MAN2A1: variants seen among roughly 807,000 people sequenced by gnomAD.
MAN2A1 encodes the protein alpha-mannosidase 2.
In MAN2A1, 76 loss-of-function variants were observed where a neutral mutation model predicts 142.6. The observed-to-expected ratio is 0.53, with a 90% CI of 0.44 to 0.65. The LOEUF (loss-of-function observed/expected upper bound fraction) is 0.65, where lower values mean the gene tolerates loss of function less well. MAN2A1 is among the 30% of genes least tolerant of loss of function. The pLI is 0.00. For missense variants in MAN2A1, 1,311 were observed against 1,365.1 expected, an observed-to-expected ratio of 0.96 and a Z score of 0.62; for synonymous variants, 559 against 473.2, an observed-to-expected ratio of 1.18 and a Z score of -2.35.
intron 4 of MAN2A1, among the ~76,000 whole-genome samples, chr5:109,745,853 G>A (rs997892816): frequency 6.6e-6 from 1 of 152,176 alleles, no homozygotes; most frequent in Admixed American, 6.5e-5. Context: ...CTGGCCTGAG[G>A]TGATCCTCCT....
intron 2 of MAN2A1, among the ~76,000 whole-genome samples, chr5:109,714,549 A>T (rs911418336): frequency 1.3e-5 from 2 of 152,216 alleles, no homozygotes; most frequent in African/African-American, 4.8e-5. Context: ...ATTGGAAAGG[A>T]CTTCTGCCTT....
intron 4 of MAN2A1, among the ~76,000 whole-genome samples, chr5:109,733,292 A>G (rs1285066240): frequency 4.6e-5 from 7 of 152,188 alleles, no homozygotes; most frequent in African/African-American, 7.2e-5. Context: ...TAGATATACA[A>G]TCATGTCGTC....
intron 16 of MAN2A1, among the ~76,000 whole-genome samples, chr5:109,833,491 A>G: frequency 6.6e-6 from 1 of 152,078 alleles, no homozygotes; most frequent in East Asian, 1.9e-4. Flanking sequence ...AACACGGCAA[A>G]ACCCCGTCTC....
chr5:109,801,453 G>GT lies in MAN2A1; in HGVS notation c.1943+11934dup, dbSNP rs1226115039. On this transcript the variant is annotated intron_variant, in intron 12 of 21. Coordinates refer to ENST00000261483, the MANE Select transcript of MAN2A1 (RefSeq NM_002372.4). ...GTCTGCATCTAGCATGGGGAAGCAG[G>GT]TTTTTTTTGTTGTTCATTTTGATTT... Among the ~76,000 whole-genome samples, 7 of 152,084 alleles carry GT rather than the reference G, an allele frequency of 4.6e-5. No individual in the cohort carries two copies. In the South Asian group the frequency reaches 8.3e-4, roughly 18 times the overall value.
At chr5:109,842,823 T>TTTTTTTTTTTTTTTG (rs1755245159) in intron 17 of MAN2A1, among the ~76,000 whole-genome samples, 1 of 149,032 alleles carries the variant, frequency 6.7e-6, no homozygotes, top group Admixed American at 6.7e-5. Context: ...TTTTTTTTTT[T>TTTTTTTTTTTTTTTG]GAGAAAGAGT....
intron 3 of MAN2A1, among the ~76,000 whole-genome samples, chr5:109,724,426 T>TA (rs1210403629): frequency 2.6e-5 from 4 of 151,788 alleles, no homozygotes; most frequent in African/African-American, 4.8e-5. Context: ...AATCTAAAAT[T>TA]AAAAAAAAGA....
At chr5:109,795,863 T>C (rs1327513777) in intron 12 of MAN2A1, among the ~76,000 whole-genome samples, 2 of 152,164 alleles carry the variant, frequency 1.3e-5, no homozygotes, top group Non-Finnish European at 2.9e-5. Flanking sequence ...ACCATCTTCA[T>C]TTAATTGACC....
rs1026508267 is a variant in MAN2A1 at position 109,722,421 on chromosome 5, G to A, written c.535+6157G>A. 3.3e-5 allele frequency among the ~76,000 whole-genome samples: 5 copies of A among 152,026 alleles called. No homozygotes were observed. In the South Asian group the frequency reaches 6.2e-4, roughly 19 times the overall value. ...TATTTTCCAGCTTTTGTTTTGTTTT[G>A]TTTTGTTTTTTGAGATGGAGTCTTG... is the stretch of plus-strand genomic sequence containing the variant. On this transcript the variant is annotated intron_variant, in intron 3 of 21. Transcript: ENST00000261483.
chr5:109,754,343 C>G (rs1408808478), intron 4 of MAN2A1, among the ~76,000 whole-genome samples: 1 of 151,872 alleles, frequency 6.6e-6, no homozygotes, highest in Non-Finnish European at 1.5e-5. Context: ...ATCTTGTTAC[C>G]TGGTATGGTA....
intron 12 of MAN2A1, among the ~76,000 whole-genome samples, chr5:109,798,586 T>C (rs1753925948): frequency 6.6e-6 from 1 of 152,248 alleles, no homozygotes; most frequent in Non-Finnish European, 1.5e-5. Flanking sequence ...CAATAAATTA[T>C]GGGGCTACCC....
intron 1 of MAN2A1, among the ~76,000 whole-genome samples, chr5:109,691,369 G>T (rs1239308345): frequency 6.6e-6 from 1 of 152,186 alleles, no homozygotes; most frequent in African/African-American, 2.4e-5. Context: ...CAAGTTACTT[G>T]CCAATATAAC....
Position 109,713,711 on chromosome 5 carries a change from C to G in MAN2A1, c.327C>G (p.Leu109=). The part of the protein sequence containing the change: ...GSHLLPSQLS[L]SVDTADCLFA... ...ATCTTCTGCCCTCACAATTATCCCT[C>G]TCAGTTGACACTGCAGACTGTCTGT... Residue 109 remains leucine (L), a synonymous_variant, in exon 2 of 22, where the codon CTC becomes CTG. Coordinates refer to ENST00000261483, the MANE Select transcript of MAN2A1 (RefSeq NM_002372.4). The G allele has an allele frequency of 6.2e-7, 1 of 1,614,142 alleles. No individual in the cohort carries two copies. The highest frequency in any genetic ancestry group is 8.5e-7 in the Non-Finnish European group (1 of 1,179,998).
chr5:109,745,890 T>A (rs2112612948), intron 4 of MAN2A1, among the ~76,000 whole-genome samples: 1 of 152,336 alleles, frequency 6.6e-6, no homozygotes, highest in Non-Finnish European at 1.5e-5. Context: ...GCACAGGGAT[T>A]ATAGGTGTGA....
rs536608224 is a variant in MAN2A1 at position 109,852,988 on chromosome 5, C to G, written c.2977-2152C>G. 5.3e-5 allele frequency among the ~76,000 whole-genome samples: 8 copies of G among 152,180 alleles called. No homozygotes were observed. In the South Asian group the frequency reaches 1.0e-3, roughly 20 times the overall value. On this transcript the variant is annotated intron_variant, in intron 19 of 21. Transcript: ENST00000261483. ...CCAGCAGTGTTATTTTTTCATGGTG[C>G]TCTTAGGGTAGTGAACCACAACTCT...
intron 1 of MAN2A1, among the ~76,000 whole-genome samples, chr5:109,711,456 G>C (rs1751299127): frequency 6.6e-6 from 1 of 151,252 alleles, no homozygotes; most frequent in Non-Finnish European, 1.5e-5. Context: ...AACTGTACCT[G>C]ACTCAAATAT....
At chr5:109,716,073 A>T (rs1248340465) in intron 2 of MAN2A1, 47 bp from the exon 3 acceptor site, 2 of 1,331,842 alleles carry the variant, frequency 1.5e-6, no homozygotes, top group Middle Eastern at 1.9e-4. Context: ...TACCAACATT[A>T]AATTAATAAT....
intron 5 of MAN2A1, among the ~76,000 whole-genome samples, chr5:109,765,835 A>T (rs549700782): frequency 1.3e-5 from 2 of 152,136 alleles, no homozygotes; most frequent in South Asian, 4.2e-4. Flanking sequence ...TCTTTTCCTG[A>T]GTTATTTTAA....
intron 16 of MAN2A1, among the ~76,000 whole-genome samples, chr5:109,828,887 C>T (rs924457112): frequency 3.3e-5 from 5 of 152,062 alleles, no homozygotes; most frequent in Admixed American, 6.5e-5. Context: ...ATTTAGCAAT[C>T]GAACAGAGTT....
At chr5:109,775,788 A>C (rs1178256683) in intron 8 of MAN2A1, among the ~76,000 whole-genome samples, 2 of 152,194 alleles carry the variant, frequency 1.3e-5, no homozygotes, top group Admixed American at 6.5e-5. Context: ...TTCATGATAC[A>C]TATCTGGACA....
Sources: allele counts gnomAD v4.1 joint callset (sites outside exome capture counted in the v4.1 genomes callset), GRCh38; gene constraint gnomAD v4.1.1; transcripts MANE v1.5; gene names NCBI Gene and HGNC (gene_info 2026-07-23, HGNC 2026-07-21).